Variants in ERBB4 observed in about 807,000 individuals in gnomAD.
ERBB4 encodes the protein erb-b2 receptor tyrosine kinase 4.
ERBB4 carries 42 observed loss-of-function variants against 158.0 expected under a neutral mutation model. The ratio of observed to expected loss-of-function variants is 0.27; its 90% confidence interval spans 0.21 to 0.34. The LOEUF is 0.34. Ranked by LOEUF, ERBB4 falls within the 10% of genes least tolerant of loss-of-function variation. The pLI, the probability that ERBB4 is intolerant of heterozygous loss-of-function variation, is 1.00. For synonymous variants in ERBB4, 583 were observed against 558.7 expected (o/e 1.04, Z -0.61); for missense variants, 1,333 against 1,624.1 (o/e 0.82, Z 3.08).
At chr2:211,412,428 C>T (rs1411844511) in intron 25 of ERBB4, among the ~76,000 whole-genome samples, 1 of 152,172 alleles carries the variant, frequency 6.6e-6, no homozygotes, top group African/African-American at 2.4e-5. Context: ...TCAGCCTCCA[C>T]AAAGATACAT....
intron 2 of ERBB4, among the ~76,000 whole-genome samples, chr2:212,119,704 A>T (rs1484154025): frequency 1.3e-5 from 2 of 152,120 alleles, no homozygotes; most frequent in Non-Finnish European, 2.9e-5. Context: ...AGTAAACTGG[A>T]TTTCTCTTCC....
intron 1 of ERBB4, among the ~76,000 whole-genome samples, chr2:212,322,519 A>G (rs935610732): frequency 6.6e-6 from 1 of 150,762 alleles, no homozygotes; most frequent in Non-Finnish European, 1.5e-5. Context: ...AGATATTTGA[A>G]TGCGTATACA....
At chr2:211,618,081 A>G (rs2069461738) in intron 19 of ERBB4, among the ~76,000 whole-genome samples, 1 of 151,966 alleles carries the variant, frequency 6.6e-6, no homozygotes, top group Non-Finnish European at 1.5e-5. Flanking sequence ...TTTTTTACTC[A>G]TAGTTGGAGT....
intron 3 of ERBB4, among the ~76,000 whole-genome samples, chr2:211,882,482 CT>C (rs1173694309): frequency 5.9e-5 from 9 of 152,236 alleles, no homozygotes; most frequent in African/African-American, 2.2e-4. Flanking sequence ...ATAAATATGA[CT>C]GCTTGTCAAT....
chr2:211,406,385 A>G (rs750722301), intron 25 of ERBB4, among the ~76,000 whole-genome samples: 16 of 152,190 alleles, frequency 1.1e-4, no homozygotes, highest in African/African-American at 1.4e-4. Flanking sequence ...TCATTATTCA[A>G]TATAGGTAAG....
intron 3 of ERBB4, among the ~76,000 whole-genome samples, chr2:211,842,851 T>C (rs1202907626): frequency 6.6e-6 from 1 of 152,124 alleles, no homozygotes; most frequent in African/African-American, 2.4e-5. Flanking sequence ...ACTATAACAG[T>C]GCTTGGCCGG....
intron 1 of ERBB4, among the ~76,000 whole-genome samples, chr2:212,536,059 C>T (rs971329052): frequency 1.3e-5 from 2 of 152,182 alleles, no homozygotes; most frequent in Non-Finnish European, 2.9e-5. Flanking sequence ...CATCTTGTCG[C>T]CCTCTGGCAG....
intron 20 of ERBB4, among the ~76,000 whole-genome samples, chr2:211,469,009 C>T (rs1257100941): frequency 6.6e-6 from 1 of 151,894 alleles, no homozygotes; most frequent in Non-Finnish European, 1.5e-5. Context: ...AAGCTGACAG[C>T]CCTCTGGAGG....
At chr2:212,527,590 G>T (rs1234106162) in intron 1 of ERBB4, among the ~76,000 whole-genome samples, 1 of 151,926 alleles carries the variant, frequency 6.6e-6, no homozygotes, top group Non-Finnish European at 1.5e-5. Flanking sequence ...CCCCTCTATT[G>T]TACTGGTACT....
chr2:212,531,619 G>A (rs537386137), intron 1 of ERBB4, among the ~76,000 whole-genome samples: 1 of 151,992 alleles, frequency 6.6e-6, no homozygotes, highest in Admixed American at 6.6e-5. Context: ...GGAACCCACT[G>A]TTTATCCTTT....
chr2:212,188,921 ACATT>A (rs1377804220), intron 1 of ERBB4, among the ~76,000 whole-genome samples: 1 of 152,098 alleles, frequency 6.6e-6, no homozygotes. Flanking sequence ...TGCATGCTGA[ACATT>A]CATTAAGAGC....
rs565302338 is a variant in ERBB4 at position 211,775,810 on chromosome 2, A to T, written c.556+12215T>A. Among the ~76,000 whole-genome samples the T allele has an allele frequency of 9.2e-5, 14 of 152,246 alleles. No individual in the cohort carries two copies. In the South Asian group the frequency reaches 2.9e-3, roughly 32 times the overall value. On this transcript the variant is annotated intron_variant, in intron 4 of 27. Transcript: ENST00000342788. ...CAGATTTCACAAAGGTTTTCATGAG[A>T]TTTCCTGGACATAGAAAATGTAGCC...
chr2:211,918,535 G>A (rs539829647), intron 3 of ERBB4, among the ~76,000 whole-genome samples: 11 of 152,134 alleles, frequency 7.2e-5, no homozygotes, highest in African/African-American at 1.4e-4. Flanking sequence ...TGTAGATTTC[G>A]AGAGATACGT....
Position 211,420,445 on chromosome 2 carries a change from T to G in ERBB4, c.3131A>C (p.Asn1044Thr). 1 of 1,607,412 alleles carries G rather than the reference T, an allele frequency of 6.2e-7. No individual in the cohort carries two copies. The highest frequency in any genetic ancestry group is 8.5e-7 in the Non-Finnish European group (1 of 1,174,370). ...IYTSRARIDSNRSEIGHSPPP... is the reference protein window; with the variant it reads ...IYTSRARIDSTRSEIGHSPPP... ...GTGTATATAATTATTTCTTACCCTA[T>G]TCGAGTCAATTCTTGCTCTGGAAGT... Residue 1044 changes from asparagine to threonine, a missense_variant, in exon 25 of 28, where the codon AAT becomes ACT. Coordinates refer to ENST00000342788, the MANE Select transcript of ERBB4 (RefSeq NM_005235.3).
At chr2:211,984,907 T>C (rs2081899154) in intron 2 of ERBB4, among the ~76,000 whole-genome samples, 1 of 152,072 alleles carries the variant, frequency 6.6e-6, no homozygotes, top group Admixed American at 6.6e-5. Flanking sequence ...TTTATTTATT[T>C]TTTTAGTGGA....
intron 2 of ERBB4, among the ~76,000 whole-genome samples, chr2:211,968,525 A>G (rs1209531498): frequency 6.6e-6 from 1 of 152,064 alleles, no homozygotes; most frequent in African/African-American, 2.4e-5. Flanking sequence ...TCACCCTATC[A>G]GTTTCTTATT....
chr2:212,373,037 T>C (rs1252105053), intron 1 of ERBB4, among the ~76,000 whole-genome samples: 3 of 152,176 alleles, frequency 2.0e-5, no homozygotes, highest in East Asian at 1.9e-4. Context: ...ATTAAAACAA[T>C]AGTTTTTGTA....
At chr2:212,485,192 C>G (rs74335062) in intron 1 of ERBB4, among the ~76,000 whole-genome samples, 3 of 151,886 alleles carry the variant, frequency 2.0e-5, no homozygotes, top group Non-Finnish European at 4.4e-5. Context: ...CAGGAAATAC[C>G]CTATTTTCTA....
chr2:211,409,649 C>A (rs76071509), intron 25 of ERBB4, among the ~76,000 whole-genome samples: 5,356 of 152,156 alleles, frequency 0.035, 124 homozygotes, highest in South Asian at 0.066. Context: ...CCAGTAAGAT[C>A]CTTTTAAGCC....
Sources: gnomAD v4.1 joint callset for allele counts (sites outside exome capture counted in the v4.1 genomes callset) on GRCh38, gnomAD v4.1.1 for gene constraint, MANE v1.5 for transcripts, NCBI Gene and HGNC (gene_info 2026-07-23, HGNC 2026-07-21) for gene names.